The following PTPRK variants were observed in gnomAD, a reference collection of about 807,000 sequenced individuals.
PTPRK encodes protein tyrosine phosphatase receptor type K, also known as receptor-type tyrosine-protein phosphatase kappa.
PTPRK carries 75 observed loss-of-function variants against 178.0 expected under a neutral mutation model. The observed-to-expected ratio is 0.42, with a 90% confidence interval of 0.35 to 0.51. The LOEUF (loss-of-function observed/expected upper bound fraction) is 0.51, where lower values mean the gene tolerates loss of function less well. PTPRK is among the 20% of genes least tolerant of loss of function. The pLI, the probability that PTPRK is intolerant of heterozygous loss-of-function variation, is 0.02. For missense variants in PTPRK, 1,441 were observed against 1,797.8 expected (o/e 0.80, Z 3.59); for synonymous variants, 637 against 620.6 (o/e 1.03, Z -0.39).
At chr6:128,281,476 G>C (rs1821665124) in intron 3 of PTPRK, among the ~76,000 whole-genome samples, 1 of 152,132 alleles carries the variant, frequency 6.6e-6, no homozygotes, top group Non-Finnish European at 1.5e-5. Flanking sequence ...GAGCCAACCA[G>C]GGAGTTTAAG....
chr6:128,056,717 C>G (rs1779963159), intron 13 of PTPRK, among the ~76,000 whole-genome samples: 2 of 152,116 alleles, frequency 1.3e-5, no homozygotes, highest in South Asian at 4.1e-4. Context: ...AGCCACGGCG[C>G]CTGGCTAGAA....
At chr6:128,128,059 G>A (rs1793659313) in intron 7 of PTPRK, among the ~76,000 whole-genome samples, 1 of 152,106 alleles carries the variant, frequency 6.6e-6, no homozygotes, top group Non-Finnish European at 1.5e-5. Context: ...TATGATGGCT[G>A]CTATCATCTA....
At chr6:128,164,722 G>C (rs991350767) in intron 7 of PTPRK, among the ~76,000 whole-genome samples, 3 of 151,122 alleles carry the variant, frequency 2.0e-5, no homozygotes, top group Non-Finnish European at 3.0e-5. Context: ...TACAGGCTGG[G>C]GGGGGAGATT....
At chr6:128,473,364 T>C (rs1365826171) in intron 1 of PTPRK, among the ~76,000 whole-genome samples, 3 of 151,540 alleles carry the variant, frequency 2.0e-5, no homozygotes, top group Admixed American at 6.6e-5. Flanking sequence ...CCCTCAGTGA[T>C]ATTAATTTTG....
intron 11 of PTPRK, 56 bp downstream of exon 11, chr6:128,078,757 C>T: frequency 7.6e-7 from 1 of 1,307,776 alleles, no homozygotes. Flanking sequence ...ACTTGGGCAT[C>T]TTGGGATGTA....
chr6:128,386,215 A>G (rs184183849), intron 2 of PTPRK, among the ~76,000 whole-genome samples: 1 of 152,224 alleles, frequency 6.6e-6, no homozygotes, highest in African/African-American at 2.4e-5. Context: ...TAAATAACTA[A>G]GAATCGGCCT....
intron 14 of PTPRK, among the ~76,000 whole-genome samples, chr6:128,007,426 A>G (rs530991903): frequency 6.6e-6 from 1 of 150,996 alleles, no homozygotes; most frequent in East Asian, 1.9e-4. Flanking sequence ...TAATTATGAA[A>G]GCTCAAATGT....
rs76588201 is a variant in PTPRK, at chr6:128,480,845, T to C, written c.100+39414A>G. Among the ~76,000 whole-genome samples, 516 of 152,254 alleles carry C rather than the reference T, an allele frequency of 3.4e-3. 3 individuals carry two copies. The highest frequency in any genetic ancestry group is 0.012 in the African/African-American group (489 of 41,560). On this transcript the variant is annotated intron_variant, in intron 1 of 29. Coordinates refer to ENST00000368226, the MANE Select transcript of PTPRK (RefSeq NM_002844.4). ...ATGGCCAAGGCCCACTCTTCATACA[T>C]CACAGGGAACAAAACCTAAAATCTT...
At position 128,312,672 on chromosome 6, in the gene PTPRK, AT is replaced by A. The variant is rs201145484; in HGVS notation, c.495+9366del. Among the ~76,000 whole-genome samples, 620 of 152,054 alleles carry A rather than the reference AT, an allele frequency of 4.1e-3. 4 individuals are homozygous for A. The highest frequency in any genetic ancestry group is 0.014 in the African/African-American group (594 of 41,498). On this transcript the variant is annotated intron_variant, in intron 3 of 29. Transcript: ENST00000368226. ...TATAACCAAGTCTCATTTAACCATC[AT>A]TTTCCATTAAAAATTATCGATGTAT...
At position 128,437,874 on chromosome 6, in the gene PTPRK, A is replaced by G. The variant is rs148482692; in HGVS notation, c.101-40186T>C. Among the ~76,000 whole-genome samples the G allele has an allele frequency of 3.3e-4, 51 of 152,344 alleles. 1 individual carries two copies. The East Asian group carries it at 9.7e-3, about 29-fold the overall frequency. On this transcript the variant is annotated intron_variant, in intron 1 of 29. Transcript: ENST00000368226. ...TCGGCCAGAAGCTGTCGCGATTCCC[A>G]GAAGGGCAGGGTTAACAGGACACAG...
intron 5 of PTPRK, among the ~76,000 whole-genome samples, chr6:128,223,193 T>C (rs1036751972): frequency 8.6e-5 from 13 of 152,006 alleles, no homozygotes; most frequent in African/African-American, 3.1e-4. Flanking sequence ...ATATATATTA[T>C]CTTTATTTAG....
chr6:128,153,291 TA>T (rs548460442), intron 7 of PTPRK, among the ~76,000 whole-genome samples: 162 of 147,550 alleles, frequency 1.1e-3, no homozygotes, highest in Admixed American at 1.7e-3. Flanking sequence ...GAAGACTGAT[TA>T]AAAAAAAAAA....
At chr6:128,394,547 C>G (rs1230218493) in intron 2 of PTPRK, among the ~76,000 whole-genome samples, 1 of 152,128 alleles carries the variant, frequency 6.6e-6, no homozygotes, top group African/African-American at 2.4e-5. Context: ...ATATGCATTT[C>G]TTTGATGACT....
At chr6:128,060,251 T>C (rs535393286) in intron 13 of PTPRK, among the ~76,000 whole-genome samples, 3 of 152,350 alleles carry the variant, frequency 2.0e-5, no homozygotes, top group African/African-American at 2.4e-5. Context: ...TCTGATCTTA[T>C]GCTTGAGAAC....
At chr6:128,049,841 C>T (rs1778692029) in intron 13 of PTPRK, among the ~76,000 whole-genome samples, 1 of 152,118 alleles carries the variant, frequency 6.6e-6, no homozygotes, top group Admixed American at 6.6e-5. Flanking sequence ...TTATAAATTA[C>T]ATATACAAAG....
In PTPRK at chr6:127,976,666, A is replaced by C; in HGVS notation, c.3960T>G (p.Asn1320Lys). Reference protein sequence around the residue: ...DVINRIFRICNLTRPQEGYLM... With the variant: ...DVINRIFRICKLTRPQEGYLM... ...TCCGATAGTGACTTACTCTTGTTAG[A>C]TTGCATATCCTAAAAATCCGGTTGA... The change falls in exon 27 of 30, where the codon AAT (asparagine) becomes AAG (lysine). Residue 1320 changes from asparagine (N) to lysine (K), a missense_variant. By Grantham distance (94) the Asn-to-Lys change is moderately conservative. Transcript: ENST00000368226. 1 of 1,614,046 alleles carries C rather than the reference A, an allele frequency of 6.2e-7. No homozygotes were observed. The highest frequency in any genetic ancestry group is 1.6e-4 in the Middle Eastern group (1 of 6,062).
intron 13 of PTPRK, among the ~76,000 whole-genome samples, chr6:128,015,874 T>C (rs1289373389): frequency 2.0e-5 from 3 of 151,856 alleles, no homozygotes; most frequent in South Asian, 2.1e-4. Context: ...CAGCAGCGTA[T>C]GCCAACCCCA....
chr6:128,056,812 T>C (rs1266175501), intron 13 of PTPRK, among the ~76,000 whole-genome samples: 2 of 152,134 alleles, frequency 1.3e-5, no homozygotes, highest in Non-Finnish European at 2.9e-5. Flanking sequence ...TGTAGAAAGA[T>C]AGTAAAAGTA....
chr6:128,374,378 C>T (rs1371219253), intron 2 of PTPRK, among the ~76,000 whole-genome samples: 1 of 152,060 alleles, frequency 6.6e-6, no homozygotes, highest in Non-Finnish European at 1.5e-5. Flanking sequence ...CCAGCATAGT[C>T]CTCTCCCCTG....
Sources: gnomAD v4.1 joint callset for allele counts (sites outside exome capture counted in the v4.1 genomes callset) on GRCh38, gnomAD v4.1.1 for gene constraint, MANE v1.5 for transcripts, NCBI Gene and HGNC (gene_info 2026-07-23, HGNC 2026-07-21) for gene names.